Variants in PLCH1 observed in about 807,000 individuals in gnomAD.
The protein encoded by PLCH1 is phospholipase C eta 1, also known as 1-phosphatidylinositol 4,5-bisphosphate phosphodiesterase eta-1.
In PLCH1, 60 loss-of-function variants were observed where a neutral mutation model predicts 126.7. The ratio of observed to expected loss-of-function variants is 0.47; its 90% CI spans 0.38 to 0.59. The LOEUF (loss-of-function observed/expected upper bound fraction) is 0.59, where lower values mean the gene tolerates loss of function less well. PLCH1 is among the 20% of genes least tolerant of loss of function. The pLI is 0.00. For missense variants in PLCH1, 1,723 were observed against 2,040.0 expected (o/e 0.84, Z 2.99); for synonymous variants, 719 against 734.9 (o/e 0.98, Z 0.35).
chr3:155,523,144 T>G (rs1416728656), intron 11 of PLCH1, among the ~76,000 whole-genome samples: 3 of 151,374 alleles, frequency 2.0e-5, no homozygotes, highest in Admixed American at 2.0e-4. Context: ...CCGGCTAATT[T>G]TTTTTGTATT....
chr3:155,711,941 G>C (rs1747151141), intron 1 of PLCH1, among the ~76,000 whole-genome samples: 1 of 152,194 alleles, frequency 6.6e-6, no homozygotes, highest in Non-Finnish European at 1.5e-5. Context: ...ATCCAACCCA[G>C]AGAAATGGAA....
At chr3:155,610,378 A>C (rs577984433) in intron 2 of PLCH1, among the ~76,000 whole-genome samples, 2 of 149,734 alleles carry the variant, frequency 1.3e-5, no homozygotes, top group South Asian at 2.2e-4. Context: ...AAAAAAAAAA[A>C]AAAAAAAAAA....
chr3:155,524,085 T>C (rs539453629), intron 10 of PLCH1, 81 bp from the exon 11 acceptor site: 22 of 831,106 alleles, frequency 2.6e-5, no homozygotes, highest in Middle Eastern at 2.2e-4. Context: ...CAAGCATCCA[T>C]TGATGGATGA....
intron 2 of PLCH1, among the ~76,000 whole-genome samples, chr3:155,606,993 A>G (rs1040372686): frequency 6.6e-6 from 1 of 152,220 alleles, no homozygotes; most frequent in Non-Finnish European, 1.5e-5. Flanking sequence ...AAAAATTTAC[A>G]TCTTTAAAGA....
At chr3:155,526,254 G>A (rs995974175) in intron 10 of PLCH1, among the ~76,000 whole-genome samples, 3 of 151,972 alleles carry the variant, frequency 2.0e-5, no homozygotes, top group Non-Finnish European at 4.4e-5. Flanking sequence ...CCTAGTGCCC[G>A]ACATCTAATG....
chr3:155,583,554 T>C lies in PLCH1; in HGVS notation c.689A>G (p.Tyr230Cys). ...YKMMSLRRDL[Y>C]LLLLSYSDKK... ...GTCACTGTAGCTCAAAAGTAACAAA[T>C]AAAGGTCTCGTCTCAAAGACATCAT... The change falls in exon 6 of 23, where the codon TAT becomes TGT. Residue 230 changes from tyrosine to cysteine, a missense_variant. Transcript: ENST00000460012. 1 of 1,604,368 alleles carries C rather than the reference T, an allele frequency of 6.2e-7. No individual in the cohort carries two copies. The highest frequency in any genetic ancestry group is 8.5e-7 in the Non-Finnish European group (1 of 1,177,004).
In PLCH1 at chr3:155,635,719, G is replaced by A. The variant is rs927579208; in HGVS notation, c.80-39341C>T. The stretch of plus-strand genomic sequence containing the variant: ...CACCTGATGAAAAGCCATGCCTTGC[G>A]GTAGAGCATTGCATGGGAAATTGAT... On this transcript the variant is annotated intron_variant, in intron 2 of 22. Transcript: ENST00000460012. Among the ~76,000 whole-genome samples the A allele has an allele frequency of 1.6e-4, 24 of 152,068 alleles. 1 individual carries two copies. The highest frequency in any genetic ancestry group is 3.4e-4 in the Non-Finnish European group (23 of 68,026).
At chr3:155,713,168 T>C (rs1184504902) in intron 1 of PLCH1, among the ~76,000 whole-genome samples, 1 of 151,972 alleles carries the variant, frequency 6.6e-6, no homozygotes, top group Non-Finnish European at 1.5e-5. Flanking sequence ...CGCTTCCCTA[T>C]AAAAAGAACC....
intron 2 of PLCH1, among the ~76,000 whole-genome samples, chr3:155,694,035 T>G (rs1213438209): frequency 2.0e-5 from 3 of 152,214 alleles, no homozygotes. Flanking sequence ...TCAAATACTG[T>G]ATTTCTATCC....
At chr3:155,671,963 T>C (rs914989053) in intron 2 of PLCH1, among the ~76,000 whole-genome samples, 3 of 152,186 alleles carry the variant, frequency 2.0e-5, no homozygotes, top group Non-Finnish European at 2.9e-5. Context: ...TAATATTGTG[T>C]TTAAATTTTT....
In PLCH1 at chr3:155,482,770, G is replaced by T; in HGVS notation, c.3256C>A (p.Pro1086Thr). The change falls in exon 23 of 23, where the codon CCT (proline) becomes ACT (threonine). Residue 1086 changes from proline (P) to threonine (T), a missense_variant. Pro to Thr is a conservative substitution (Grantham distance 38, BLOSUM62 -1). Coordinates refer to ENST00000460012, the MANE Select transcript of PLCH1 (RefSeq NM_014996.4). ...AGATCTTGTGTGGGGTTAACTACAG[G>T]ATCGGGAGCCAAATGCTGCTTTGGG... Reference protein sequence around the residue: ...LSPKQHLAPDPVVNPTQDLHG... With the variant: ...LSPKQHLAPDTVVNPTQDLHG... The T allele has an allele frequency of 1.2e-6, 2 of 1,614,172 alleles. No individual in the cohort carries two copies. Among genetic ancestry groups the T allele is most frequent in the Non-Finnish European group, 1.7e-6 (2 of 1,180,024 alleles).
intron 1 of PLCH1, among the ~76,000 whole-genome samples, chr3:155,734,147 G>A (rs1398519418): frequency 6.6e-6 from 1 of 151,856 alleles, no homozygotes; most frequent in Non-Finnish European, 1.5e-5. Flanking sequence ...AATTAATACG[G>A]CATGGAGGTT....
chr3:155,460,787 A>AAGATAGATAGATAGAT (rs142518324), intron 21 of PLCH1, among the ~76,000 whole-genome samples: 4 of 146,366 alleles, frequency 2.7e-5, no homozygotes, highest in Non-Finnish European at 4.5e-5. Flanking sequence ...ATAGATATAG[A>AAGATAGATAGATAGAT]AGATAGATAG....
At chr3:155,716,643 G>A (rs562430712) in intron 1 of PLCH1, among the ~76,000 whole-genome samples, 205 of 152,252 alleles carry the variant, frequency 1.3e-3, no homozygotes, top group African/African-American at 4.2e-3. Context: ...ACTTACTATC[G>A]TGAGGACAGC....
chr3:155,619,924 G>GTTTAC (rs1736252838), intron 2 of PLCH1, among the ~76,000 whole-genome samples: 1 of 152,050 alleles, frequency 6.6e-6, no homozygotes, highest in African/African-American at 2.4e-5. Flanking sequence ...ATCCCCTCAG[G>GTTTAC]TTTACTTTTC....
chr3:155,616,581 A>C (rs774713976), intron 2 of PLCH1, among the ~76,000 whole-genome samples: 1 of 152,180 alleles, frequency 6.6e-6, no homozygotes, highest in Non-Finnish European at 1.5e-5. Flanking sequence ...ATTTACATAT[A>C]AAATTTTATT....
chr3:155,562,779 C>A (rs1727805021), intron 8 of PLCH1, among the ~76,000 whole-genome samples: 1 of 152,156 alleles, frequency 6.6e-6, no homozygotes, highest in African/African-American at 2.4e-5. Flanking sequence ...CAGGCATGCG[C>A]CCTTTCAAAA....
chr3:155,485,544 T>C lies in PLCH1; in HGVS notation c.2786A>G (p.Gln929Arg), dbSNP rs1325716753. The stretch of plus-strand genomic sequence containing the variant: ...AGAATCCTTTATCTCCACCATTTCT[T>C]GGAAGCCCATTTTGCTCTTTTTCCT... ...KGRKKSKMGF[Q>R]EMVEIKDSVS... Residue 929 changes from glutamine to arginine, a missense_variant, in exon 22 of 23, where the codon CAA becomes CGA. By Grantham distance (43) the Gln-to-Arg change is conservative. Coordinates refer to ENST00000460012, the MANE Select transcript of PLCH1 (RefSeq NM_014996.4). 1 of 1,614,226 alleles carries C rather than the reference T, an allele frequency of 6.2e-7. No homozygotes were observed. Among genetic ancestry groups the C allele is most frequent in the Non-Finnish European group, 8.5e-7 (1 of 1,180,032 alleles).
At chr3:155,487,280 T>C (rs995277768) in intron 21 of PLCH1, among the ~76,000 whole-genome samples, 4 of 152,194 alleles carry the variant, frequency 2.6e-5, no homozygotes, top group South Asian at 4.1e-4. Flanking sequence ...CATTCACAGA[T>C]GAGGAAGCTT....
Sources: gnomAD v4.1 joint callset for allele counts (sites outside exome capture counted in the v4.1 genomes callset) on GRCh38, gnomAD v4.1.1 for gene constraint, MANE v1.5 for transcripts, NCBI Gene and HGNC (gene_info 2026-07-23, HGNC 2026-07-21) for gene names.